Variants in CCSER1 observed in about 807,000 individuals in gnomAD.
The protein encoded by CCSER1 is serine-rich coiled-coil domain-containing protein 1.
Under a neutral mutation model 82.0 loss-of-function variants are expected in CCSER1, and 41 were observed. The observed-to-expected ratio is 0.50, with a 90% CI of 0.39 to 0.65. The LOEUF (loss-of-function observed/expected upper bound fraction) is 0.65. Among genes scored for constraint, CCSER1 ranks in the 30% least tolerant of loss-of-function variants. CCSER1 has a pLI of 0.00. For synonymous variants in CCSER1, 414 were observed against 383.9 expected, an observed-to-expected ratio of 1.08 and a Z score of -0.92; for missense variants, 1,119 against 1,064.2, an observed-to-expected ratio of 1.05 and a Z score of -0.72.
At chr4:90,560,338 C>A (rs1365357273) in intron 5 of CCSER1, among the ~76,000 whole-genome samples, 1 of 151,912 alleles carries the variant, frequency 6.6e-6, no homozygotes, top group Non-Finnish European at 1.5e-5. Flanking sequence ...TCAGAAATTT[C>A]TGGAACTGTA....
intron 6 of CCSER1, chr4:90,641,957 G>C: frequency 2.9e-6 from 1 of 344,112 alleles, no homozygotes. Flanking sequence ...CATGAATCCA[G>C]CATTAATGTT....
At chr4:90,735,137 G>A (rs937906564) in intron 7 of CCSER1, among the ~76,000 whole-genome samples, 11 of 152,006 alleles carry the variant, frequency 7.2e-5, no homozygotes, top group African/African-American at 2.7e-4. Flanking sequence ...ATTGATTTTT[G>A]TATGTTAAAC....
chr4:91,340,822 G>A (rs1747677013), intron 10 of CCSER1, among the ~76,000 whole-genome samples: 1 of 152,136 alleles, frequency 6.6e-6, no homozygotes, highest in African/African-American at 2.4e-5. Context: ...ACCACAATAT[G>A]AAATTGTGGG....
chr4:91,390,901 C>T (rs1751605333), intron 10 of CCSER1, among the ~76,000 whole-genome samples: 1 of 152,012 alleles, frequency 6.6e-6, no homozygotes, highest in African/African-American at 2.4e-5. Flanking sequence ...CTTCAGTTTC[C>T]ATGAGGTCTG....
chr4:91,363,040 G>C (rs1749353113), intron 10 of CCSER1, among the ~76,000 whole-genome samples: 1 of 151,358 alleles, frequency 6.6e-6, no homozygotes, highest in Admixed American at 6.6e-5. Context: ...GGCTCCCAAG[G>C]GATCTTCATT....
intron 1 of CCSER1, among the ~76,000 whole-genome samples, chr4:90,143,798 C>T (rs1004958606): frequency 3.3e-5 from 5 of 151,888 alleles, no homozygotes; most frequent in African/African-American, 4.8e-5. Flanking sequence ...AATCCTCCCA[C>T]CTCAGCCTCC....
At chr4:91,539,256 T>A (rs1761463524) in intron 10 of CCSER1, among the ~76,000 whole-genome samples, 2 of 152,186 alleles carry the variant, frequency 1.3e-5, no homozygotes, top group South Asian at 4.1e-4. Context: ...ATTAATAGCT[T>A]GTGTTTTCAG....
chr4:90,775,139 C>A (rs978884989), intron 7 of CCSER1, among the ~76,000 whole-genome samples: 3 of 152,014 alleles, frequency 2.0e-5, no homozygotes, highest in Non-Finnish European at 2.9e-5. Flanking sequence ...TCAAAGATTA[C>A]AATTGAATTA....
intron 1 of CCSER1, among the ~76,000 whole-genome samples, chr4:90,182,695 A>C (rs550557164): frequency 3.3e-4 from 51 of 152,244 alleles, no homozygotes; most frequent in African/African-American, 1.0e-3. Flanking sequence ...GGAAAGGAAA[A>C]TTTAAGGAAA....
At chr4:90,745,043 C>T (rs74336655) in intron 7 of CCSER1, among the ~76,000 whole-genome samples, 2 of 151,696 alleles carry the variant, frequency 1.3e-5, no homozygotes, top group South Asian at 2.1e-4. Context: ...ACCACAAACT[C>T]GGTGGCTTAA....
intron 4 of CCSER1, among the ~76,000 whole-genome samples, chr4:90,448,825 A>G (rs1578517499): frequency 6.6e-6 from 1 of 152,082 alleles, no homozygotes; most frequent in Non-Finnish European, 1.5e-5. Context: ...CATGTTTACA[A>G]CAAGGTGAGC....
intron 7 of CCSER1, among the ~76,000 whole-genome samples, chr4:90,732,216 A>G (rs1156499610): frequency 1.1e-4 from 16 of 152,148 alleles, no homozygotes; most frequent in Admixed American, 9.2e-4. Context: ...AAAGAAAGGG[A>G]AACATGTCAG....
chr4:90,530,780 T>G (rs971238828), intron 5 of CCSER1, among the ~76,000 whole-genome samples: 4 of 152,164 alleles, frequency 2.6e-5, no homozygotes, highest in African/African-American at 9.7e-5. Context: ...GCCCTGGTTT[T>G]CAGGGTCTTA....
intron 9 of CCSER1, among the ~76,000 whole-genome samples, chr4:90,929,545 C>G (rs570887091): frequency 6.6e-6 from 1 of 152,076 alleles, no homozygotes; most frequent in Non-Finnish European, 1.5e-5. Flanking sequence ...AGCCAGATCC[C>G]CCTGGACTGC....
chr4:91,052,144 G>A (rs147721287), intron 9 of CCSER1, among the ~76,000 whole-genome samples: 210 of 152,034 alleles, frequency 1.4e-3, no homozygotes, highest in African/African-American at 5.0e-3. Context: ...ACATTGAATA[G>A]AACAGGAATG....
intron 3 of CCSER1, among the ~76,000 whole-genome samples, chr4:90,318,810 C>A (rs1418683421): frequency 6.6e-6 from 1 of 152,132 alleles, no homozygotes; most frequent in Non-Finnish European, 1.5e-5. Flanking sequence ...TTCACAGTTT[C>A]TTACAATAAA....
At chr4:90,919,862 AT>A in intron 8 of CCSER1, among the ~76,000 whole-genome samples, 1 of 152,114 alleles carries the variant, frequency 6.6e-6, no homozygotes, top group East Asian at 1.9e-4. Flanking sequence ...TTTTTACATA[AT>A]ATGCTAGCCT....
At chr4:90,832,182 C>T (rs534396571) in intron 8 of CCSER1, among the ~76,000 whole-genome samples, 1 of 151,854 alleles carries the variant, frequency 6.6e-6, no homozygotes, top group South Asian at 2.1e-4. Flanking sequence ...AAATGGATTG[C>T]CTTCTTGAAA....
chr4:91,150,432 C>G (rs984111110), intron 10 of CCSER1, among the ~76,000 whole-genome samples: 1 of 152,132 alleles, frequency 6.6e-6, no homozygotes. Context: ...CAAACAGGGA[C>G]AATTTGACTC....
Sources: allele counts gnomAD v4.1 joint callset (sites outside exome capture counted in the v4.1 genomes callset), GRCh38; gene constraint gnomAD v4.1.1; transcripts MANE v1.5; gene names NCBI Gene and HGNC (gene_info 2026-07-23, HGNC 2026-07-21).